PLCH1: variants seen among roughly 807,000 people sequenced by gnomAD.
PLCH1 encodes 1-phosphatidylinositol 4,5-bisphosphate phosphodiesterase eta-1.
PLCH1 carries 60 observed loss-of-function variants against 126.7 expected under a neutral mutation model. The ratio of observed to expected loss-of-function variants is 0.47; its 90% confidence interval spans 0.38 to 0.59. The LOEUF is 0.59. Among genes scored for constraint, PLCH1 ranks in the 20% least tolerant of loss-of-function variants. PLCH1 has a pLI of 0.00. For synonymous variants in PLCH1, 719 were observed against 734.9 expected (o/e 0.98, Z 0.35); for missense variants, 1,723 against 2,040.0 (o/e 0.84, Z 2.99).
downstream of PLCH1, among the ~76,000 whole-genome samples, chr3:155,475,406 A>G (rs1313157905): frequency 3.3e-5 from 5 of 152,062 alleles, no homozygotes; most frequent in Admixed American, 3.3e-4. Context: ...AATGCATCTT[A>G]AAGAACCAGA....
chr3:155,694,517 A>G (rs989813145), intron 2 of PLCH1, among the ~76,000 whole-genome samples: 1 of 152,242 alleles, frequency 6.6e-6, no homozygotes, highest in Non-Finnish European at 1.5e-5. Flanking sequence ...GTAGAAATGC[A>G]TTGATGTTCA....
At chr3:155,468,132 T>C (rs1712999134) in intron 21 of PLCH1, among the ~76,000 whole-genome samples, 1 of 152,224 alleles carries the variant, frequency 6.6e-6, no homozygotes, top group African/African-American at 2.4e-5. Flanking sequence ...CATAAAGTTT[T>C]CATTAGTTTT....
At chr3:155,527,897 G>A (rs1253690722) in intron 10 of PLCH1, among the ~76,000 whole-genome samples, 1 of 146,414 alleles carries the variant, frequency 6.8e-6, no homozygotes, top group African/African-American at 2.6e-5. Flanking sequence ...TCCAGCCTGG[G>A]TGACAGAGTG....
chr3:155,672,956 C>T (rs1256378293), intron 2 of PLCH1, among the ~76,000 whole-genome samples: 4 of 151,966 alleles, frequency 2.6e-5, no homozygotes, highest in African/African-American at 7.2e-5. Flanking sequence ...CAGCCTCACC[C>T]GTTCCACCAT....
At chr3:155,648,643 C>G (rs1740329479) in intron 2 of PLCH1, among the ~76,000 whole-genome samples, 1 of 152,178 alleles carries the variant, frequency 6.6e-6, no homozygotes, top group Non-Finnish European at 1.5e-5. Flanking sequence ...GTGTGACAGA[C>G]AGAATGCCTG....
chr3:155,586,335 C>T, intron 4 of PLCH1, 141 bp from the exon 5 acceptor site: 1 of 714,460 alleles, frequency 1.4e-6, no homozygotes, highest in Non-Finnish European at 2.4e-6. Context: ...TCCATAGGCT[C>T]TGATGAGCTA....
chr3:155,638,156 A>G (rs1270934049), intron 2 of PLCH1, among the ~76,000 whole-genome samples: 2 of 152,228 alleles, frequency 1.3e-5, no homozygotes, highest in Non-Finnish European at 2.9e-5. Flanking sequence ...TTAAGTGTTC[A>G]GTTGTAAGAA....
intron 2 of PLCH1, among the ~76,000 whole-genome samples, chr3:155,665,514 G>A (rs1010219113): frequency 6.6e-6 from 1 of 152,168 alleles, no homozygotes; most frequent in Non-Finnish European, 1.5e-5. Context: ...TGGAAGGAGA[G>A]GAGGCAAAGA....
chr3:155,529,759 TTTTTG>T (rs71155050), intron 10 of PLCH1, among the ~76,000 whole-genome samples: 385 of 150,638 alleles, frequency 2.6e-3, no homozygotes, highest in African/African-American at 9.0e-3. Context: ...ATTTGCTTCT[TTTTTG>T]TTTTGTTTTG....
intron 21 of PLCH1, among the ~76,000 whole-genome samples, chr3:155,463,271 T>C (rs1467957956): frequency 1.3e-5 from 2 of 152,234 alleles, no homozygotes; most frequent in African/African-American, 4.8e-5. Context: ...TTCTCTCTTA[T>C]ATTTTCAACT....
chr3:155,527,558 T>C (rs540631878), intron 10 of PLCH1, among the ~76,000 whole-genome samples: 1 of 152,300 alleles, frequency 6.6e-6, no homozygotes, highest in African/African-American at 2.4e-5. Context: ...ACATTAAGAA[T>C]CTAAACAATT....
chr3:155,520,236 T>C (rs1230513137), intron 11 of PLCH1, among the ~76,000 whole-genome samples: 2 of 152,206 alleles, frequency 1.3e-5, no homozygotes, highest in African/African-American at 2.4e-5. Context: ...CATGCTGTCT[T>C]TGAGTGCTGG....
At chr3:155,568,379 C>T (rs1553840767) in intron 6 of PLCH1, 55 bp from the exon 7 acceptor site, 1 of 743,854 alleles carries the variant, frequency 1.3e-6, no homozygotes, top group Non-Finnish European at 2.4e-6. Flanking sequence ...CTATGTTCCT[C>T]CACAGTAGAA....
intron 2 of PLCH1, among the ~76,000 whole-genome samples, chr3:155,669,986 C>T (rs1176829981): frequency 6.6e-6 from 1 of 152,186 alleles, no homozygotes; most frequent in Non-Finnish European, 1.5e-5. Context: ...ACCAACACCT[C>T]TGGAAAGACA....
At chr3:155,530,744 T>C (rs542340475) in intron 10 of PLCH1, among the ~76,000 whole-genome samples, 1 of 152,362 alleles carries the variant, frequency 6.6e-6, no homozygotes, top group Non-Finnish European at 1.5e-5. Context: ...ATGTTCTTAA[T>C]GGCATTTAGA....
chr3:155,478,397 T>C (rs564498959), downstream of PLCH1, among the ~76,000 whole-genome samples: 22 of 152,206 alleles, frequency 1.4e-4, no homozygotes, highest in African/African-American at 4.1e-4. Context: ...AAGAGTGTAA[T>C]TGGATTGTTC....
At chr3:155,587,452 T>G (rs1731531204) in intron 4 of PLCH1, among the ~76,000 whole-genome samples, 1 of 152,142 alleles carries the variant, frequency 6.6e-6, no homozygotes, top group Admixed American at 6.5e-5. Context: ...GAGAACCAGG[T>G]CTCAACCCAG....
chr3:155,585,935 A>T lies in PLCH1; in HGVS notation c.600+130T>A, dbSNP rs559506122. On this transcript the variant is annotated intron_variant, in intron 5 of 22. Coordinates refer to ENST00000460012, the MANE Select transcript of PLCH1 (RefSeq NM_014996.4). ...CTTGAAACAAAATCATTTCTTCATCAAAGAAAAATAAAACAGTACAGAGCA... is the reference window on the plus strand; with the variant it reads ...CTTGAAACAAAATCATTTCTTCATCTAAGAAAAATAAAACAGTACAGAGCA... The T allele has an allele frequency of 6.3e-5, 40 of 634,430 alleles. No homozygotes were observed. The South Asian group carries it at 1.5e-3, about 24-fold the overall frequency. The allele number at this position is 634,430 out of a possible 1,614,324, so 39.3% of individuals were successfully genotyped here. A position where few individuals can be genotyped will look rare whatever the true frequency, so the allele number is the denominator to read the frequency against.
In PLCH1 at chr3:155,479,939, T is replaced by A. The variant is rs1713749550; in HGVS notation, c.*1029A>T. ...AATTCCAGGAAGAACATCATTGCAG[T>A]TAATGTTACAAAAAAAAAAAACAAA... On this transcript the variant is annotated 3_prime_UTR_variant, in exon 23 of 23. Transcript: ENST00000460012. 6.6e-6 allele frequency: 1 copy of A among 150,656 alleles called. No homozygotes were observed. The highest frequency in any genetic ancestry group is 2.4e-5 in the African/African-American group (1 of 41,014). The allele number at this position is 150,656 out of a possible 1,614,324, so 9.3% of individuals were successfully genotyped here.
Sources: gnomAD v4.1 joint callset for allele counts (sites outside exome capture counted in the v4.1 genomes callset) on GRCh38, gnomAD v4.1.1 for gene constraint, MANE v1.5 for transcripts, NCBI Gene and HGNC (gene_info 2026-07-23, HGNC 2026-07-21) for gene names.